The following ATP6V1H variants were observed in gnomAD, a reference collection of about 807,000 sequenced individuals.
ATP6V1H encodes ATPase H+ transporting V1 subunit H.
ATP6V1H carries 39 observed loss-of-function variants against 71.7 expected under a neutral mutation model. The observed-to-expected ratio is 0.54, with a 90% CI of 0.42 to 0.71. The LOEUF is 0.71. Among genes scored for constraint, ATP6V1H ranks in the 30% least tolerant of loss-of-function variants. The probability of loss-of-function intolerance (pLI) is 0.00; values close to 1 mark genes in which losing one functional copy is unlikely to be tolerated. For missense variants in ATP6V1H, 509 were observed against 594.9 expected (o/e 0.86, Z 1.50); for synonymous variants, 192 against 199.3 (o/e 0.96, Z 0.31).
intron 9 of ATP6V1H, among the ~76,000 whole-genome samples, chr8:53,780,364 T>C (rs1280120446): frequency 6.6e-6 from 1 of 152,202 alleles, no homozygotes; most frequent in Admixed American, 6.5e-5. Flanking sequence ...TTAAGCCTTC[T>C]CTATTCTTCT....
intron 12 of ATP6V1H, among the ~76,000 whole-genome samples, chr8:53,751,400 C>T (rs889009044): frequency 6.6e-6 from 1 of 152,260 alleles, no homozygotes; most frequent in Non-Finnish European, 1.5e-5. Flanking sequence ...ATTGGAAGTC[C>T]GTGATGTGCC....
chr8:53,768,570 T>C (rs1201816013), intron 11 of ATP6V1H, among the ~76,000 whole-genome samples: 1 of 152,122 alleles, frequency 6.6e-6, no homozygotes, highest in East Asian at 1.9e-4. Context: ...AAATAAAATG[T>C]GGTCTTATCC....
intron 11 of ATP6V1H, among the ~76,000 whole-genome samples, chr8:53,767,981 T>C (rs975966057): frequency 6.6e-6 from 1 of 152,198 alleles, no homozygotes; most frequent in Admixed American, 6.5e-5. Context: ...AAGGACACTA[T>C]CAACAAAGTG....
chr8:53,797,047 C>T (rs1645387602), intron 8 of ATP6V1H, among the ~76,000 whole-genome samples: 2 of 152,194 alleles, frequency 1.3e-5, no homozygotes, highest in Non-Finnish European at 2.9e-5. Flanking sequence ...ATATTGATAT[C>T]AGTACATAAA....
intron 9 of ATP6V1H, among the ~76,000 whole-genome samples, chr8:53,786,731 A>G (rs1490093307): frequency 1.3e-5 from 2 of 152,246 alleles, no homozygotes; most frequent in East Asian, 3.8e-4. Context: ...CAAAAGCAAA[A>G]GTGACAAATC....
intron 13 of ATP6V1H, among the ~76,000 whole-genome samples, chr8:53,722,596 GA>G (rs964110499): frequency 6.6e-6 from 1 of 152,062 alleles, no homozygotes; most frequent in African/African-American, 2.4e-5. Context: ...TATGACAGTG[GA>G]GATGGTGTCC....
intron 7 of ATP6V1H, 84 bp downstream of exon 7, chr8:53,811,080 G>A: frequency 8.3e-7 from 1 of 1,198,412 alleles, no homozygotes; most frequent in South Asian, 1.3e-5. Context: ...TGGGGAACTA[G>A]TAAACACCTT....
At chr8:53,827,661 G>A (rs1255063579) in intron 4 of ATP6V1H, among the ~76,000 whole-genome samples, 1 of 151,900 alleles carries the variant, frequency 6.6e-6, no homozygotes, top group Non-Finnish European at 1.5e-5. Flanking sequence ...TGTTATATTG[G>A]TAAACTCATG....
intron 13 of ATP6V1H, among the ~76,000 whole-genome samples, chr8:53,725,426 T>C (rs1394955505): frequency 1.3e-5 from 2 of 151,720 alleles, no homozygotes; most frequent in African/African-American, 4.9e-5. Context: ...ATTACCCAGT[T>C]TCAGGTATTC....
chr8:53,792,015 T>G (rs1458307404), intron 9 of ATP6V1H, among the ~76,000 whole-genome samples: 1 of 152,190 alleles, frequency 6.6e-6, no homozygotes, highest in Non-Finnish European at 1.5e-5. Context: ...ATGAAGCACT[T>G]AAGTAGAAGA....
At chr8:53,734,090 A>C (rs758497285) in intron 13 of ATP6V1H, among the ~76,000 whole-genome samples, 2 of 152,310 alleles carry the variant, frequency 1.3e-5, no homozygotes, top group Admixed American at 6.5e-5. Context: ...AAGCCCCCCA[A>C]TGCTGTGGTG....
intron 9 of ATP6V1H, among the ~76,000 whole-genome samples, chr8:53,778,377 C>T (rs1377070327): frequency 6.6e-6 from 1 of 152,112 alleles, no homozygotes; most frequent in East Asian, 1.9e-4. Flanking sequence ...CTGAAATATA[C>T]AGTAGATTAC....
intron 13 of ATP6V1H, among the ~76,000 whole-genome samples, chr8:53,733,875 A>G (rs1807110176): frequency 6.6e-6 from 1 of 152,186 alleles, no homozygotes; most frequent in African/African-American, 2.4e-5. Flanking sequence ...AAAGCCATTT[A>G]CACTATATGC....
chr8:53,808,187 G>C (rs1810153607), intron 7 of ATP6V1H, among the ~76,000 whole-genome samples: 1 of 152,206 alleles, frequency 6.6e-6, no homozygotes, highest in African/African-American at 2.4e-5. Context: ...TGAAGCTAGG[G>C]AGGGGAAAAA....
chr8:53,718,312 C>T (rs1414505178), intron 13 of ATP6V1H, among the ~76,000 whole-genome samples: 6 of 152,172 alleles, frequency 3.9e-5, no homozygotes, highest in Non-Finnish European at 2.9e-5. Context: ...CAGCTTCCAC[C>T]CTACCATCTT....
chr8:53,775,604 G>T (rs1207860534), intron 9 of ATP6V1H, among the ~76,000 whole-genome samples: 1 of 152,126 alleles, frequency 6.6e-6, no homozygotes, highest in Non-Finnish European at 1.5e-5. Context: ...GTCGATTGGT[G>T]CACTCACAAA....
intron 10 of ATP6V1H, among the ~76,000 whole-genome samples, chr8:53,770,776 T>C (rs1808626195): frequency 1.3e-5 from 2 of 152,182 alleles, no homozygotes; most frequent in African/African-American, 2.4e-5. Context: ...CTATCACTAA[T>C]CTTATTTTTT....
rs183544602 is a variant in ATP6V1H at position 53,830,119 on chromosome 8, T to G, written c.217-586A>C. Among the ~76,000 whole-genome samples the G allele has an allele frequency of 2.3e-3, 343 of 152,330 alleles. 1 individual carries two copies. Among genetic ancestry groups the G allele is most frequent in the African/African-American group, 7.8e-3 (326 of 41,562 alleles). On this transcript the variant is annotated intron_variant, in intron 3 of 13. Transcript: ENST00000359530. ...GATAGGCAGCAGAATTGAACCTTAT[T>G]ATGGGGCCAAGTTCTAAACTCAGCA...
intron 9 of ATP6V1H, among the ~76,000 whole-genome samples, chr8:53,790,307 G>A (rs1423702062): frequency 6.6e-6 from 1 of 152,010 alleles, no homozygotes; most frequent in African/African-American, 2.4e-5. Flanking sequence ...TATTCTTTCT[G>A]TCTAGGTAAC....
Sources: gnomAD v4.1 joint callset for allele counts (sites outside exome capture counted in the v4.1 genomes callset) on GRCh38, gnomAD v4.1.1 for gene constraint, MANE v1.5 for transcripts, NCBI Gene and HGNC (gene_info 2026-07-23, HGNC 2026-07-21) for gene names.